Variants in PCNX2 observed in about 807,000 individuals in gnomAD.
PCNX2 encodes the protein pecanex 2.
In PCNX2, 168 loss-of-function variants were observed where a neutral mutation model predicts 223.8. The observed-to-expected ratio is 0.75, with a 90% confidence interval of 0.66 to 0.85. PCNX2 has a LOEUF of 0.85. PCNX2 is among the 40% of genes least tolerant of loss of function. The pLI is 0.00. For missense variants in PCNX2, 2,507 were observed against 2,675.5 expected, an observed-to-expected ratio of 0.94 and a Z score of 1.39; for synonymous variants, 1,006 against 1,052.6, an observed-to-expected ratio of 0.96 and a Z score of 0.86.
At chr1:233,030,634 C>T (rs886866416) in intron 25 of PCNX2, among the ~76,000 whole-genome samples, 2 of 152,156 alleles carry the variant, frequency 1.3e-5, no homozygotes, top group Admixed American at 6.5e-5. Flanking sequence ...CTGGGAAGGT[C>T]CAGAGTAGTC....
chr1:233,295,705 T>C lies in PCNX2; in HGVS notation c.-227A>G, dbSNP rs1446985020. On this transcript the variant is annotated 5_prime_UTR_variant, in exon 1 of 34. Transcript: ENST00000258229. The surrounding 1 kb of genome is among the most constrained non-coding windows in gnomAD (Gnocchi z 4.1). Reference sequence around the variant, plus strand: ...GAGCCGGCTGCTGCGGCCGGGCAGGTGAGCGCCATGTCCGAGGGAGGAAGG... The same window carrying C: ...GAGCCGGCTGCTGCGGCCGGGCAGGCGAGCGCCATGTCCGAGGGAGGAAGG... 2.4e-6 allele frequency: 1 copy of C among 411,712 alleles called. No homozygotes were observed. The highest frequency in any genetic ancestry group is 4.1e-6 in the Non-Finnish European group (1 of 244,594). 25.5% of individuals were successfully genotyped at this position (411,712 alleles called of 1,614,324 possible).
intron 23 of PCNX2, chr1:233,086,965 A>C: frequency 1.1e-6 from 1 of 922,626 alleles, no homozygotes; most frequent in Non-Finnish European, 1.3e-6. Context: ...GGCAGAGAGT[A>C]GCAAGCAGGT....
chr1:233,238,502 G>C (rs1174601256), intron 8 of PCNX2, among the ~76,000 whole-genome samples: 1 of 151,992 alleles, frequency 6.6e-6, no homozygotes, highest in African/African-American at 2.4e-5. Flanking sequence ...ACCAGCCCTG[G>C]CAACACAGTG....
At chr1:233,162,732 G>A (rs562568466) in intron 17 of PCNX2, among the ~76,000 whole-genome samples, 1 of 152,250 alleles carries the variant, frequency 6.6e-6, no homozygotes, top group South Asian at 2.1e-4. Context: ...TGGCTGTGGG[G>A]AGATGTTAAT....
At chr1:233,087,301 G>A (rs1011571266) in intron 23 of PCNX2, 4 of 734,652 alleles carry the variant, frequency 5.4e-6, no homozygotes, top group African/African-American at 3.8e-5. Flanking sequence ...GGACTGCTAG[G>A]TGGCCTCCAA....
chr1:233,076,876 G>A (rs1673120050), intron 23 of PCNX2, among the ~76,000 whole-genome samples: 1 of 152,178 alleles, frequency 6.6e-6, no homozygotes, highest in African/African-American at 2.4e-5. Context: ...TGAGGGGAAG[G>A]GGAGTGCCCA....
intron 15 of PCNX2, among the ~76,000 whole-genome samples, chr1:233,186,750 A>G (rs756151815): frequency 2.6e-5 from 4 of 152,208 alleles, no homozygotes; most frequent in Non-Finnish European, 4.4e-5. Context: ...GAAAAACATG[A>G]TATGTTTATG....
At chr1:232,984,921 G>T (rs1669413528) in intron 33 of PCNX2, 1 of 154,872 alleles carries the variant, frequency 6.5e-6, no homozygotes, top group Non-Finnish European at 1.4e-5. Context: ...GCAGGAAGGA[G>T]AATTTGACAG....
intron 21 of PCNX2, among the ~76,000 whole-genome samples, chr1:233,125,361 A>T (rs1033038879): frequency 7.9e-5 from 12 of 152,120 alleles, no homozygotes; most frequent in African/African-American, 2.7e-4. Flanking sequence ...GTTAGTAGCA[A>T]TAGTGTTTTG....
rs377349958 is a variant in PCNX2, at chr1:233,082,835, T to C, written c.4076+7226A>G. ...CCTGATCAAGCCAGGTATTTGTTAA[T>C]ACAAATCATGAATGAAACTCCAGAT... On this transcript the variant is annotated intron_variant, in intron 23 of 33. Coordinates refer to ENST00000258229, the MANE Select transcript of PCNX2 (RefSeq NM_014801.4). Among the ~76,000 whole-genome samples the C allele has an allele frequency of 1.1e-4, 16 of 152,306 alleles. No individual in the cohort carries two copies. In the South Asian group the frequency reaches 3.3e-3, roughly 32 times the overall value.
chr1:233,305,447 CTTTTA>C, the PCNX2 span, among the ~76,000 whole-genome samples: 1 of 151,806 alleles, frequency 6.6e-6, no homozygotes, highest in African/African-American at 2.4e-5. Flanking sequence ...TTTTATTTTT[CTTTTA>C]TTTATTCTTT....
At chr1:233,225,131 A>C (rs1212938418) in intron 10 of PCNX2, among the ~76,000 whole-genome samples, 1 of 151,312 alleles carries the variant, frequency 6.6e-6, no homozygotes, top group Admixed American at 6.6e-5. Flanking sequence ...AAAAAAAAAA[A>C]AAAAAAATGT....
chr1:233,189,369 C>T (rs1322901368), intron 15 of PCNX2, among the ~76,000 whole-genome samples: 2 of 152,126 alleles, frequency 1.3e-5, no homozygotes, highest in Non-Finnish European at 2.9e-5. Context: ...GTTCTTTCAA[C>T]AAGACAAATA....
intron 23 of PCNX2, among the ~76,000 whole-genome samples, chr1:233,084,225 T>C (rs1235597585): frequency 6.6e-6 from 1 of 152,200 alleles, no homozygotes; most frequent in African/African-American, 2.4e-5. Flanking sequence ...GCACAAAGCC[T>C]GTGCTTTCTG....
intron 8 of PCNX2, among the ~76,000 whole-genome samples, chr1:233,242,682 T>C (rs963093515): frequency 1.3e-5 from 2 of 152,176 alleles, no homozygotes; most frequent in Non-Finnish European, 2.9e-5. Flanking sequence ...ATCTACTGAG[T>C]AGTAATAAAA....
At chr1:233,054,141 C>G (rs1289977175) in intron 25 of PCNX2, 127 bp downstream of exon 25, 2 of 768,160 alleles carry the variant, frequency 2.6e-6, no homozygotes, top group Non-Finnish European at 4.2e-6. Context: ...GTAGTGGTGG[C>G]AAGCTCACTT....
intron 24 of PCNX2, among the ~76,000 whole-genome samples, chr1:233,056,298 C>G (rs1004541074): frequency 6.6e-6 from 1 of 152,152 alleles, no homozygotes; most frequent in Non-Finnish European, 1.5e-5. Context: ...TTAAATAAAA[C>G]AAAACAATTG....
At chr1:233,229,709 T>C (rs1040993657) in intron 9 of PCNX2, among the ~76,000 whole-genome samples, 1 of 152,146 alleles carries the variant, frequency 6.6e-6, no homozygotes, top group African/African-American at 2.4e-5. Context: ...TCTAAAAAAT[T>C]ACATGAAGAC....
At chr1:233,031,809 T>C (rs1224682042) in intron 25 of PCNX2, 5 of 983,082 alleles carry the variant, frequency 5.1e-6, no homozygotes, top group Non-Finnish European at 6.0e-6. Flanking sequence ...TTTTTAAACA[T>C]TTCAAGGGTC....
Sources: allele counts gnomAD v4.1 joint callset (sites outside exome capture counted in the v4.1 genomes callset), GRCh38; gene constraint gnomAD v4.1.1; non-coding constraint Gnocchi (gnomAD v3.1); transcripts MANE v1.5; gene names NCBI Gene and HGNC (gene_info 2026-07-23, HGNC 2026-07-21).